Variants in FTO observed in about 807,000 individuals in gnomAD.
FTO encodes alpha-ketoglutarate-dependent dioxygenase FTO.
A neutral mutation model predicts 63.9 loss-of-function variants in FTO; 47 were observed. The observed-to-expected ratio is 0.74, with a 90% confidence interval of 0.58 to 0.94. FTO has a LOEUF of 0.94. Among genes scored for constraint, FTO ranks in the 40% least tolerant of loss-of-function variants. FTO has a pLI of 0.00. For synonymous variants in FTO, 207 were observed against 224.4 expected (o/e 0.92, Z 0.69); for missense variants, 562 against 618.1 (o/e 0.91, Z 0.96).
intron 1 of FTO, among the ~76,000 whole-genome samples, chr16:53,765,629 ATGTTG>A (rs2077182955): frequency 6.6e-6 from 1 of 151,956 alleles, no homozygotes. Context: ...GATAAACAGT[ATGTTG>A]TGTTAATGAC....
chr16:53,705,949 G>A (rs559961249), intron 1 of FTO, among the ~76,000 whole-genome samples: 8 of 152,222 alleles, frequency 5.3e-5, no homozygotes, highest in Non-Finnish European at 1.0e-4. Context: ...CTGTGAGGGA[G>A]TTACTAGTGT....
chr16:54,074,661 C>T (rs1227789517), intron 8 of FTO, among the ~76,000 whole-genome samples: 2 of 151,932 alleles, frequency 1.3e-5, no homozygotes, highest in East Asian at 1.9e-4. Flanking sequence ...ATTTTTTTCC[C>T]TATCATATAA....
At chr16:53,856,080 A>G (rs2079981825) in intron 4 of FTO, among the ~76,000 whole-genome samples, 1 of 142,556 alleles carries the variant, frequency 7.0e-6, no homozygotes, top group Non-Finnish European at 1.5e-5. Context: ...TCCCAAAGGC[A>G]TGAGCTATAG....
In FTO at chr16:54,106,799, A is replaced by G. The variant is rs1267814010; in HGVS notation, c.1365-4963A>G. Among the ~76,000 whole-genome samples the G allele has an allele frequency of 4.4e-5, 6 of 136,462 alleles. No homozygotes were observed. The East Asian group carries it at 1.3e-3, about 28-fold the overall frequency. The allele number at this position is 136,462 out of a possible 152,430, so 89.5% of individuals were successfully genotyped here. On this transcript the variant is annotated intron_variant, in intron 8 of 8. Coordinates refer to ENST00000471389, the MANE Select transcript of FTO (RefSeq NM_001080432.3). Reference sequence around the variant, plus strand: ...TAATTGTATATTTTAATAAATATATAATTACATATTATATATACTTATTAT... The same window carrying G: ...TAATTGTATATTTTAATAAATATATGATTACATATTATATATACTTATTAT...
chr16:53,896,979 C>T (rs1035839600), intron 7 of FTO, among the ~76,000 whole-genome samples: 3 of 152,142 alleles, frequency 2.0e-5, no homozygotes, highest in Non-Finnish European at 4.4e-5. Flanking sequence ...CAGAGAGCCC[C>T]GGGAACACAT....
intron 8 of FTO, among the ~76,000 whole-genome samples, chr16:54,008,898 G>A (rs1221454177): frequency 1.3e-5 from 2 of 151,624 alleles, no homozygotes; most frequent in East Asian, 3.9e-4. Context: ...TGTAGTCCCA[G>A]CTACTTGGGA....
intron 1 of FTO, among the ~76,000 whole-genome samples, chr16:53,717,049 A>G (rs2075911085): frequency 6.6e-6 from 1 of 151,652 alleles, no homozygotes; most frequent in South Asian, 2.1e-4. Context: ...TTCCAATTGT[A>G]TAGTATTTTA....
chr16:53,704,354 C>T, intron 1 of FTO, 125 bp downstream of exon 1: 1 of 909,296 alleles, frequency 1.1e-6, no homozygotes, highest in South Asian at 1.4e-5. Context: ...AGGGCCTTGT[C>T]AGCAAGGGAC....
In FTO at chr16:53,915,757, A is replaced by G. The variant is rs536153901; in HGVS notation, c.1240-18228A>G. Among the ~76,000 whole-genome samples, 6 of 152,280 alleles carry G rather than the reference A, an allele frequency of 3.9e-5. No individual in the cohort carries two copies. In the East Asian group the frequency reaches 7.7e-4, roughly 20 times the overall value. On this transcript the variant is annotated intron_variant, in intron 7 of 8. Transcript: ENST00000471389. Reference sequence around the variant, plus strand: ...CATGTTCCTGCTCAGTCTCATGGAGACAATTTCAGCGTGAAAGGGCTGTGC... The same window carrying G: ...CATGTTCCTGCTCAGTCTCATGGAGGCAATTTCAGCGTGAAAGGGCTGTGC...
chr16:53,945,121 C>T (rs1599053125), intron 8 of FTO, among the ~76,000 whole-genome samples: 3 of 152,294 alleles, frequency 2.0e-5, no homozygotes, highest in East Asian at 3.9e-4. Flanking sequence ...GACTTGATCT[C>T]GATCGCCCCA....
chr16:53,843,366 G>T (rs1228182029), intron 3 of FTO, among the ~76,000 whole-genome samples: 1 of 152,134 alleles, frequency 6.6e-6, no homozygotes, highest in Admixed American at 6.5e-5. Flanking sequence ...CTAACACTGT[G>T]TTGTTTTCAA....
intron 1 of FTO, among the ~76,000 whole-genome samples, chr16:53,781,689 T>C (rs1214663800): frequency 6.6e-6 from 1 of 152,214 alleles, no homozygotes; most frequent in Non-Finnish European, 1.5e-5. Context: ...AAATGTTGGC[T>C]CCTTCAGCCT....
intron 1 of FTO, among the ~76,000 whole-genome samples, chr16:53,795,630 C>T (rs761583171): frequency 6.6e-6 from 1 of 151,952 alleles, no homozygotes; most frequent in Non-Finnish European, 1.5e-5. Context: ...TGTAAAGAGC[C>T]AAGAATTGAG....
chr16:53,809,428 G>A (rs1175236144), intron 1 of FTO, among the ~76,000 whole-genome samples: 1 of 152,106 alleles, frequency 6.6e-6, no homozygotes, highest in African/African-American at 2.4e-5. Flanking sequence ...TCCAGTGATA[G>A]TACCATAAAA....
At chr16:54,019,073 C>T (rs1173893844) in intron 8 of FTO, among the ~76,000 whole-genome samples, 1 of 152,164 alleles carries the variant, frequency 6.6e-6, no homozygotes, top group Non-Finnish European at 1.5e-5. Context: ...TGCTGGCCTC[C>T]TTTGGGCTTC....
intron 8 of FTO, among the ~76,000 whole-genome samples, chr16:53,980,196 G>T (rs1430275597): frequency 6.6e-6 from 1 of 152,096 alleles, no homozygotes; most frequent in Non-Finnish European, 1.5e-5. Context: ...TCTTCTAATT[G>T]TTTCTGACAA....
rs561148031 is a variant in FTO, at chr16:53,818,806, C to T, written c.124-7058C>T. On this transcript the variant is annotated intron_variant, in intron 2 of 8. Coordinates refer to ENST00000471389, the MANE Select transcript of FTO (RefSeq NM_001080432.3). ...AGTTTGTTACTTTAATATTCCATCA[C>T]GTGGTTGTACCATTTTCCCTTCTAA... Among the ~76,000 whole-genome samples, 16 of 152,214 alleles carry T rather than the reference C, an allele frequency of 1.1e-4. No homozygotes were observed. The East Asian group carries it at 2.3e-3, about 22-fold the overall frequency.
rs140410153 is a variant in FTO at position 54,030,912 on chromosome 16, C to T, written c.1365-80850C>T. Among the ~76,000 whole-genome samples the T allele has an allele frequency of 9.8e-3, 1,497 of 152,130 alleles. 29 individuals are homozygous for T. Among genetic ancestry groups the T allele is most frequent in the African/African-American group, 0.033 (1,365 of 41,510 alleles). On this transcript the variant is annotated intron_variant, in intron 8 of 8. Transcript: ENST00000471389. ...TTGAATCCTTCTAATAGAAGGGGTT[C>T]GTAGAGACCATTATGAAGCCTTAAA... is the stretch of plus-strand genomic sequence containing the variant.
chr16:53,840,730 G>A (rs891383041), intron 3 of FTO, among the ~76,000 whole-genome samples: 4 of 152,182 alleles, frequency 2.6e-5, no homozygotes, highest in African/African-American at 4.8e-5. Context: ...AGACTTTGCT[G>A]TGGTTAGGCA....
Sources: allele counts gnomAD v4.1 joint callset (sites outside exome capture counted in the v4.1 genomes callset), GRCh38; gene constraint gnomAD v4.1.1; transcripts MANE v1.5; gene names NCBI Gene and HGNC (gene_info 2026-07-23, HGNC 2026-07-21).